SUDS3: variants seen among roughly 807,000 people sequenced by gnomAD.
SUDS3 encodes sin3 histone deacetylase corepressor complex component SDS3.
In SUDS3, 23 loss-of-function variants were observed where a neutral mutation model predicts 53.5. The ratio of observed to expected loss-of-function variants is 0.43; its 90% CI spans 0.31 to 0.61. The LOEUF (loss-of-function observed/expected upper bound fraction) is 0.61, where lower values mean the gene tolerates loss of function less well. Among genes scored for constraint, SUDS3 ranks in the 20% least tolerant of loss-of-function variants. The pLI is 0.10. For missense variants in SUDS3, 291 were observed against 405.9 expected, an observed-to-expected ratio of 0.72 and a Z score of 2.43; for synonymous variants, 150 against 148.5, an observed-to-expected ratio of 1.01 and a Z score of -0.08.
chr12:118,401,400 G>T (rs897967050), intron 7 of SUDS3, among the ~76,000 whole-genome samples: 3 of 152,224 alleles, frequency 2.0e-5, no homozygotes, highest in Non-Finnish European at 4.4e-5. Context: ...GCTGAGGGAA[G>T]ATTGGCCTTA....
At chr12:118,396,977 AGGGT>A (rs1268016325) in intron 6 of SUDS3, among the ~76,000 whole-genome samples, 1 of 152,158 alleles carries the variant, frequency 6.6e-6, no homozygotes, top group African/African-American at 2.4e-5. Context: ...GTCATATTGC[AGGGT>A]GGTTTGGAGA....
chr12:118,413,183 A>G (rs2046373160), intron 11 of SUDS3, among the ~76,000 whole-genome samples: 1 of 152,244 alleles, frequency 6.6e-6, no homozygotes, highest in African/African-American at 2.4e-5. Context: ...CTGCTGAATA[A>G]TCACATTAAA....
intron 2 of SUDS3, among the ~76,000 whole-genome samples, chr12:118,383,402 T>C (rs952592716): frequency 6.6e-6 from 1 of 152,232 alleles, no homozygotes; most frequent in South Asian, 2.1e-4. Flanking sequence ...AGGAAAAAAC[T>C]AACATGCCAA....
At chr12:118,383,429 T>C (rs891987656) in intron 2 of SUDS3, among the ~76,000 whole-genome samples, 15 of 152,248 alleles carry the variant, frequency 9.9e-5, no homozygotes, top group African/African-American at 3.4e-4. Flanking sequence ...TTGCTTCGTG[T>C]GTGCTGTGTA....
chr12:118,392,124 G>A (rs1169989255), intron 6 of SUDS3, among the ~76,000 whole-genome samples: 2 of 152,216 alleles, frequency 1.3e-5, no homozygotes, highest in African/African-American at 4.8e-5. Flanking sequence ...TCAGTGGTGA[G>A]TTTGTCACTT....
chr12:118,404,030 A>T (rs2141385406), intron 10 of SUDS3: 1 of 153,048 alleles, frequency 6.5e-6, no homozygotes, highest in East Asian at 1.9e-4. Context: ...TTGATGACAC[A>T]TACCCTTTTT....
intron 11 of SUDS3, among the ~76,000 whole-genome samples, chr12:118,412,912 A>T (rs569020294): frequency 1.3e-5 from 2 of 152,254 alleles, no homozygotes; most frequent in East Asian, 3.9e-4. Flanking sequence ...AACCGTTCTC[A>T]TTTCTTGAAA....
chr12:118,410,897 T>A (rs1228836956), intron 10 of SUDS3, among the ~76,000 whole-genome samples, 176 bp from the exon 11 acceptor site: 3 of 152,076 alleles, frequency 2.0e-5, no homozygotes, highest in Non-Finnish European at 4.4e-5. Context: ...GCGCCTGGCC[T>A]CAGGATGGAA....
In SUDS3 at chr12:118,403,502, A is replaced by C; in HGVS notation, c.788A>C (p.Tyr263Ser). The part of the protein sequence containing the change: ...FEARIEDGKL[Y>S]YDKRWYHKSQ... Reference sequence around the variant, plus strand: ...GCTCGGATAGAAGATGGCAAACTGTACTATGACAAAAGATGGTATGTTATG... The same window carrying C: ...GCTCGGATAGAAGATGGCAAACTGTCCTATGACAAAAGATGGTATGTTATG... Residue 263 changes from tyrosine (Y) to serine (S), a missense_variant, in exon 10 of 12, where the codon TAC becomes TCC. This residue lies in a region of SUDS3 where 77 missense variants were observed against 87.1 expected (regional missense o/e 0.88). Coordinates refer to ENST00000543473, the MANE Select transcript of SUDS3 (RefSeq NM_022491.3). 1.9e-6 allele frequency: 3 copies of C among 1,613,016 alleles called. No individual in the cohort carries two copies. The South Asian group carries it at 3.3e-5, about 18-fold the overall frequency.
intron 10 of SUDS3, among the ~76,000 whole-genome samples, chr12:118,407,008 C>T (rs1253880298): frequency 6.6e-6 from 1 of 151,746 alleles, no homozygotes; most frequent in Non-Finnish European, 1.5e-5. Flanking sequence ...GCGATCTTCC[C>T]ACTTTGGCCT....
At chr12:118,389,601 G>C (rs978065822) in intron 4 of SUDS3, among the ~76,000 whole-genome samples, 1 of 150,772 alleles carries the variant, frequency 6.6e-6, no homozygotes, top group Non-Finnish European at 1.5e-5. Flanking sequence ...AACCTCTGCC[G>C]CTCAGGTTCA....
At chr12:118,405,131 CACTGAGA>C (rs1277865502) in intron 10 of SUDS3, among the ~76,000 whole-genome samples, 14 of 152,326 alleles carry the variant, frequency 9.2e-5, no homozygotes, top group Non-Finnish European at 1.9e-4. Context: ...AACAGCTTAA[CACTGAGA>C]AGGGCAAAAT....
At chr12:118,405,282 A>G (rs935125210) in intron 10 of SUDS3, among the ~76,000 whole-genome samples, 3 of 152,248 alleles carry the variant, frequency 2.0e-5, no homozygotes, top group African/African-American at 7.2e-5. Context: ...AAGCCATGTG[A>G]TATTTCCAGT....
intron 6 of SUDS3, 41 bp from the exon 7 acceptor site, chr12:118,400,618 G>A (rs2046255464): frequency 1.9e-6 from 3 of 1,580,740 alleles, no homozygotes; most frequent in Non-Finnish European, 2.6e-6. Flanking sequence ...CTGACTTCAA[G>A]TGGGAGTTGG....
chr12:118,387,474 A>G (rs1243820953), intron 4 of SUDS3, among the ~76,000 whole-genome samples: 1 of 152,086 alleles, frequency 6.6e-6, no homozygotes, highest in Non-Finnish European at 1.5e-5. Flanking sequence ...TGTGAGTCAT[A>G]TTTCTGAAGT....
chr12:118,386,068 A>G (rs374803790), intron 3 of SUDS3, 46 bp from the exon 4 acceptor site: 105 of 1,425,052 alleles, frequency 7.4e-5, no homozygotes, highest in Non-Finnish European at 9.2e-5. Context: ...AATGTAGAGC[A>G]GATTTATATT....
chr12:118,411,921 G>T (rs1034666239), intron 11 of SUDS3, among the ~76,000 whole-genome samples: 4 of 152,212 alleles, frequency 2.6e-5, no homozygotes, highest in Admixed American at 6.5e-5. Flanking sequence ...GTTTCTTGCT[G>T]TGAGGATTGA....
At chr12:118,387,778 T>G (rs546314093) in intron 4 of SUDS3, among the ~76,000 whole-genome samples, 79 of 152,310 alleles carry the variant, frequency 5.2e-4, no homozygotes, top group African/African-American at 1.9e-3. Flanking sequence ...CTCAAACTCC[T>G]GACCTCAGGT....
intron 10 of SUDS3, among the ~76,000 whole-genome samples, 187 bp downstream of exon 10, chr12:118,403,704 C>T (rs963286234): frequency 6.6e-6 from 1 of 152,156 alleles, no homozygotes; most frequent in African/African-American, 2.4e-5. Flanking sequence ...TTGAAAGCAG[C>T]GTTTCCCAAA....
Sources: allele counts gnomAD v4.1 joint callset (sites outside exome capture counted in the v4.1 genomes callset), GRCh38; gene constraint gnomAD v4.1.1; regional missense constraint gnomAD v4.1.1; transcripts MANE v1.5; gene names NCBI Gene and HGNC (gene_info 2026-07-23, HGNC 2026-07-21).